PLEKHH2: variants seen among roughly 807,000 people sequenced by gnomAD.
PLEKHH2 encodes the protein pleckstrin homology domain-containing family H member 2.
Under a neutral mutation model 187.9 loss-of-function variants are expected in PLEKHH2, and 129 were observed. The ratio of observed to expected loss-of-function variants is 0.69; its 90% CI spans 0.59 to 0.79. PLEKHH2 has a LOEUF of 0.79. Ranked by LOEUF, PLEKHH2 falls within the 30% of genes least tolerant of loss-of-function variation. PLEKHH2 has a pLI of 0.00. For synonymous variants in PLEKHH2, 686 were observed against 605.6 expected, an observed-to-expected ratio of 1.13 and a Z score of -1.95; for missense variants, 2,076 against 1,751.2, an observed-to-expected ratio of 1.19 and a Z score of -3.31.
At chr2:43,698,336 C>T (rs1474089907) in intron 7 of PLEKHH2, among the ~76,000 whole-genome samples, 1 of 152,036 alleles carries the variant, frequency 6.6e-6, no homozygotes, top group African/African-American at 2.4e-5. Context: ...CGGCCTTGAC[C>T]TCCCAGACTC....
At chr2:43,730,534 G>C (rs1440551843) in intron 18 of PLEKHH2, among the ~76,000 whole-genome samples, 2 of 152,130 alleles carry the variant, frequency 1.3e-5, no homozygotes, top group African/African-American at 4.8e-5. Flanking sequence ...GAGTAGCTGG[G>C]ACCACAGGCA....
intron 4 of PLEKHH2, among the ~76,000 whole-genome samples, chr2:43,694,063 A>C (rs1668966251): frequency 6.6e-6 from 1 of 151,964 alleles, no homozygotes; most frequent in Non-Finnish European, 1.5e-5. Flanking sequence ...TTTGAGGGGA[A>C]AAAAAAAGCC....
At chr2:43,743,083 A>G (rs1357482168) in intron 22 of PLEKHH2, among the ~76,000 whole-genome samples, 165 bp downstream of exon 22, 2 of 152,268 alleles carry the variant, frequency 1.3e-5, no homozygotes, top group African/African-American at 2.4e-5. Context: ...CAGTTTTGCT[A>G]TAAAGGATTC....
intron 6 of PLEKHH2, among the ~76,000 whole-genome samples, chr2:43,696,856 A>G (rs1572573248): frequency 6.6e-6 from 1 of 152,220 alleles, no homozygotes; most frequent in Non-Finnish European, 1.5e-5. Context: ...GCAGGAAGCT[A>G]GAGCTCTCTA....
At chr2:43,639,258 T>C (rs932401571) in intron 1 of PLEKHH2, among the ~76,000 whole-genome samples, 3 of 152,244 alleles carry the variant, frequency 2.0e-5, no homozygotes, top group African/African-American at 7.2e-5. Context: ...ATCTTTTTTA[T>C]TGAGATCTTA....
chr2:43,710,524 A>G lies in PLEKHH2; in HGVS notation c.2250A>G (p.Glu750=). Residue 750 remains glutamate, a synonymous_variant, in exon 14 of 30, where the codon GAA becomes GAG. Coordinates refer to ENST00000282406, the MANE Select transcript of PLEKHH2 (RefSeq NM_172069.4). ...TTAGAAAACCCCAGGGCCATATTGAACTTAGTGCATCCTGTAGTATTTTAA... is the reference window on the plus strand; with the variant it reads ...TTAGAAAACCCCAGGGCCATATTGAGCTTAGTGCATCCTGTAGTATTTTAA... ...DVIRKPQGHI[E]LSASCSILRG... The G allele has an allele frequency of 6.3e-7, 1 of 1,598,066 alleles. No homozygotes were observed. Among genetic ancestry groups the G allele is most frequent in the Non-Finnish European group, 8.5e-7 (1 of 1,176,384 alleles).
intron 24 of PLEKHH2, among the ~76,000 whole-genome samples, chr2:43,750,629 C>A (rs971990156): frequency 8.5e-5 from 13 of 152,194 alleles, no homozygotes; most frequent in African/African-American, 3.1e-4. Flanking sequence ...TGCATTCTTA[C>A]ATAATCCTTA....
chr2:43,665,698 G>C, intron 2 of PLEKHH2, among the ~76,000 whole-genome samples: 1 of 86,714 alleles, frequency 1.2e-5, no homozygotes, highest in Non-Finnish European at 2.3e-5. Flanking sequence ...TAACAGACAG[G>C]ACCCTCAGCT....
chr2:43,701,457 C>T (rs541819104), intron 8 of PLEKHH2, among the ~76,000 whole-genome samples: 144 of 152,266 alleles, frequency 9.5e-4, no homozygotes, highest in Non-Finnish European at 1.4e-3. Context: ...TGGAAGGAAA[C>T]ATTGGAGGTG....
chr2:43,675,544 G>A (rs948809846), intron 2 of PLEKHH2: 1 of 1,613,918 alleles, frequency 6.2e-7, no homozygotes, highest in Admixed American at 1.7e-5. Flanking sequence ...TACTTGCTGA[G>A]GGTTATTAGA....
rs560400335 is a variant in PLEKHH2 at position 43,666,130 on chromosome 2, C to T, written c.124-12733C>T. On this transcript the variant is annotated intron_variant, in intron 2 of 29. Coordinates refer to ENST00000282406, the MANE Select transcript of PLEKHH2 (RefSeq NM_172069.4). The stretch of plus-strand genomic sequence containing the variant: ...GCTGTGCTAGCAATCAGCGAGATTC[C>T]GTGGGCGTAGGACCCTCCAAGCCAG... 4.8e-3 allele frequency among the ~76,000 whole-genome samples: 712 copies of T among 149,718 alleles called. 26 individuals are homozygous for T. The highest frequency in any genetic ancestry group is 0.017 in the African/African-American group (679 of 39,634).
Position 43,739,196 on chromosome 2 carries a change from C to T in PLEKHH2, c.3123+676C>T, listed in dbSNP as rs567507508. On this transcript the variant is annotated intron_variant, in intron 20 of 29. Transcript: ENST00000282406. ...GTGAGCCACCGCGCCCACCAGGAAC[C>T]TAAATCTTGTGGACAGGTCCAGCGA... 3.7e-4 allele frequency among the ~76,000 whole-genome samples: 57 copies of T among 152,182 alleles called. No individual in the cohort carries two copies. The South Asian group carries it at 0.012, about 32-fold the overall frequency.
intron 23 of PLEKHH2, 162 bp downstream of exon 23, chr2:43,744,151 A>G (rs1325485292): frequency 7.3e-6 from 10 of 1,375,980 alleles, no homozygotes; most frequent in Non-Finnish European, 9.5e-6. Context: ...ACTTTGTTAA[A>G]CCCATAGAAT....
chr2:43,659,504 C>T (rs1231391551), intron 2 of PLEKHH2, among the ~76,000 whole-genome samples: 1 of 151,722 alleles, frequency 6.6e-6, no homozygotes, highest in Non-Finnish European at 1.5e-5. Context: ...GGTCTTTTGA[C>T]CATTGATATT....
intron 16 of PLEKHH2, among the ~76,000 whole-genome samples, chr2:43,724,495 T>C (rs1670642344): frequency 6.6e-6 from 1 of 152,210 alleles, no homozygotes; most frequent in Non-Finnish European, 1.5e-5. Flanking sequence ...AGGCCAAATA[T>C]TCAACACACC....
chr2:43,752,461 G>A (rs114287910), intron 24 of PLEKHH2, among the ~76,000 whole-genome samples: 2,324 of 152,228 alleles, frequency 0.015, 21 homozygotes, highest in Non-Finnish European at 0.024. Context: ...CAGAGATTCA[G>A]ACCTGCTGCC....
chr2:43,678,387 G>A (rs1379812130), intron 2 of PLEKHH2, among the ~76,000 whole-genome samples: 2 of 152,062 alleles, frequency 1.3e-5, no homozygotes, highest in East Asian at 3.9e-4. Flanking sequence ...GTAGCGAGCC[G>A]AGATCACGCC....
chr2:43,676,417 G>A (rs1667794259), intron 2 of PLEKHH2: 2 of 978,876 alleles, frequency 2.0e-6, no homozygotes, highest in South Asian at 1.7e-5. Context: ...TGCGCTCCCG[G>A]TTGGGCCACT....
chr2:43,692,384 C>G, intron 3 of PLEKHH2, 130 bp from the exon 4 acceptor site: 1 of 672,168 alleles, frequency 1.5e-6, no homozygotes, highest in Non-Finnish European at 2.4e-6. Context: ...ATATATTAAA[C>G]CTTGCTGTTT....
Sources: allele counts gnomAD v4.1 joint callset (sites outside exome capture counted in the v4.1 genomes callset), GRCh38; gene constraint gnomAD v4.1.1; transcripts MANE v1.5; gene names NCBI Gene and HGNC (gene_info 2026-07-23, HGNC 2026-07-21).